The following MARK1 variants were observed in gnomAD, a reference collection of about 807,000 sequenced individuals.
The protein encoded by MARK1 is microtubule affinity regulating kinase 1.
A neutral mutation model predicts 96.3 loss-of-function variants in MARK1; 40 were observed. That is an observed-to-expected ratio of 0.42 (90% CI 0.32 to 0.54). The LOEUF is 0.54. MARK1 is among the 20% of genes least tolerant of loss of function. MARK1 has a pLI of 0.16. For synonymous variants in MARK1, 317 were observed against 341.2 expected (o/e 0.93, Z 0.78); for missense variants, 719 against 984.6 (o/e 0.73, Z 3.61).
At chr1:220,528,980 G>C (rs1300868001) in intron 1 of MARK1, 107 bp downstream of exon 1, 1 of 1,139,540 alleles carries the variant, frequency 8.8e-7, no homozygotes, top group Non-Finnish European at 1.2e-6. Flanking sequence ...GGCCACCCGC[G>C]GCAGGGTCTC....
intron 6 of MARK1, among the ~76,000 whole-genome samples, chr1:220,614,820 C>G (rs1666648747): frequency 6.7e-6 from 1 of 149,506 alleles, no homozygotes; most frequent in African/African-American, 2.6e-5. Flanking sequence ...TTCATGTTTT[C>G]TCTGTCTTCA....
At chr1:220,606,897 C>A (rs1255858056) in intron 6 of MARK1, among the ~76,000 whole-genome samples, 1 of 152,156 alleles carries the variant, frequency 6.6e-6, no homozygotes, top group Admixed American at 6.5e-5. Flanking sequence ...GTTTTGGTAC[C>A]AGTACCATGC....
At chr1:220,627,266 ACT>A (rs1667399852) in intron 9 of MARK1, 11 of 496,914 alleles carry the variant, frequency 2.2e-5, no homozygotes, top group South Asian at 1.4e-4. Flanking sequence ...GAGTTCTCTG[ACT>A]CTGATGAGGT....
At chr1:220,590,128 A>T (rs1015208441) in intron 3 of MARK1, among the ~76,000 whole-genome samples, 1 of 152,218 alleles carries the variant, frequency 6.6e-6, no homozygotes, top group Non-Finnish European at 1.5e-5. Context: ...CTCTGCCATT[A>T]GCTTCGGTCT....
intron 13 of MARK1, among the ~76,000 whole-genome samples, chr1:220,641,453 G>T (rs79867738): frequency 2.6e-5 from 4 of 152,096 alleles, no homozygotes; most frequent in Non-Finnish European, 5.9e-5. Flanking sequence ...GAGTATCTCT[G>T]CACCTTGATC....
At chr1:220,563,302 A>C (rs1182546159) in intron 1 of MARK1, among the ~76,000 whole-genome samples, 2 of 143,480 alleles carry the variant, frequency 1.4e-5, no homozygotes, top group Admixed American at 7.0e-5. Context: ...AAGAAAAGCC[A>C]AAAAAAAATT....
rs1343633943 is a variant in MARK1 at position 220,597,615 on chromosome 1, A to G, written c.310-716A>G. 1.3e-5 allele frequency among the ~76,000 whole-genome samples: 2 copies of G among 152,332 alleles called. 1 individual carries two copies. Among genetic ancestry groups the G allele is most frequent in the Middle Eastern group, 6.8e-3 (2 of 294 alleles). Reference sequence around the variant, plus strand: ...ATATGTCTTAATATACTTTCAGAATATCACCAATTTTTGGTTCTCCTATTT... The same window carrying G: ...ATATGTCTTAATATACTTTCAGAATGTCACCAATTTTTGGTTCTCCTATTT... On this transcript the variant is annotated intron_variant, in intron 3 of 17. Transcript: ENST00000366917.
chr1:220,579,441 A>G lies in MARK1; in HGVS notation c.139A>G (p.Ile47Val), dbSNP rs1446750562. ...RQNIPRCRNS[I>V]TSATDEQPHI... is the part of the protein sequence containing the mutation. ...GAACATCCCCCGGTGTAGAAACTCC[A>G]TTACGTCAGCAACAGATGAACAGCC... The change falls in exon 2 of 18, where the codon ATT becomes GTT. Residue 47 changes from isoleucine to valine, a missense_variant. By Grantham distance (29) the Ile-to-Val change is conservative. Around this residue, in one of 4 missense-constraint regions of MARK1, gnomAD observed 105 missense variants for 133.4 expected, o/e 0.79. Coordinates refer to ENST00000366917, the MANE Select transcript of MARK1 (RefSeq NM_018650.5). 1.2e-6 allele frequency: 2 copies of G among 1,614,114 alleles called. No homozygotes were observed. Among genetic ancestry groups the G allele is most frequent in the East Asian group, 4.5e-5 (2 of 44,864 alleles).
chr1:220,641,834 C>G (rs777051816), intron 13 of MARK1, among the ~76,000 whole-genome samples: 93 of 152,330 alleles, frequency 6.1e-4, no homozygotes, highest in Non-Finnish European at 1.1e-3. Flanking sequence ...AGGGACCTCC[C>G]TCCCCGAGCC....
At chr1:220,533,885 T>C (rs1175976582) in intron 1 of MARK1, among the ~76,000 whole-genome samples, 3 of 152,188 alleles carry the variant, frequency 2.0e-5, no homozygotes, top group African/African-American at 7.2e-5. Flanking sequence ...ACCTGTCATT[T>C]ATTTTTTTCC....
intron 11 of MARK1, among the ~76,000 whole-genome samples, chr1:220,634,826 TA>T (rs1667857342): frequency 1.3e-5 from 2 of 150,056 alleles, no homozygotes; most frequent in Non-Finnish European, 2.9e-5. Context: ...TCAGAAACAG[TA>T]AACCAGATTT....
chr1:220,556,927 G>A (rs978800136), intron 1 of MARK1, among the ~76,000 whole-genome samples: 5 of 152,118 alleles, frequency 3.3e-5, no homozygotes, highest in Non-Finnish European at 7.4e-5. Context: ...ATAAGAAAGT[G>A]CAGCATTCAT....
At chr1:220,622,265 T>C (rs1165510280) in intron 9 of MARK1, among the ~76,000 whole-genome samples, 2 of 152,226 alleles carry the variant, frequency 1.3e-5, no homozygotes, top group African/African-American at 2.4e-5. Flanking sequence ...ATTTTTCCAG[T>C]GTTTAACCAA....
At chr1:220,659,873 C>T (rs1362739773) in intron 17 of MARK1, among the ~76,000 whole-genome samples, 1 of 152,154 alleles carries the variant, frequency 6.6e-6, no homozygotes, top group African/African-American at 2.4e-5. Context: ...TCACTGCAAC[C>T]TCCACCTCCC....
rs142307479 is a variant in MARK1, at chr1:220,576,403, C to CT, written c.52-2950dup. ...GCTTGGGACTCGCATACCATCATGT[C>CT]TAACTCATTTTATTGGCCAAAAAAA... is the stretch of plus-strand genomic sequence containing the variant. On this transcript the variant is annotated intron_variant, in intron 1 of 17. Coordinates refer to ENST00000366917, the MANE Select transcript of MARK1 (RefSeq NM_018650.5). Among the ~76,000 whole-genome samples the CT allele has an allele frequency of 9.0e-3, 1,197 of 133,360 alleles. 17 individuals carry two copies. The highest frequency in any genetic ancestry group is 0.031 in the African/African-American group (1,158 of 36,982). The allele number at this position is 133,360 out of a possible 152,430, so 87.5% of individuals were successfully genotyped here. A position where few individuals can be genotyped will look rare whatever the true frequency, so the allele number is the denominator to read the frequency against.
chr1:220,643,382 T>TTA (rs1668390326), intron 13 of MARK1, among the ~76,000 whole-genome samples: 1 of 151,530 alleles, frequency 6.6e-6, no homozygotes, highest in African/African-American at 2.4e-5. Context: ...GCAGTCAAGA[T>TTA]TAGAGAAAAA....
chr1:220,533,772 C>T (rs1660488989), intron 1 of MARK1, among the ~76,000 whole-genome samples: 1 of 152,098 alleles, frequency 6.6e-6, no homozygotes, highest in African/African-American at 2.4e-5. Flanking sequence ...TGGGAATGTA[C>T]CAACCATTAT....
At chr1:220,617,945 G>A (rs1572182987) in intron 7 of MARK1, among the ~76,000 whole-genome samples, 1 of 152,156 alleles carries the variant, frequency 6.6e-6, no homozygotes, top group South Asian at 2.1e-4. Flanking sequence ...AGTCCCAGAT[G>A]GATTCGTATT....
chr1:220,604,699 A>C (rs747559118), intron 6 of MARK1, among the ~76,000 whole-genome samples: 2 of 151,994 alleles, frequency 1.3e-5, no homozygotes, highest in African/African-American at 2.4e-5. Flanking sequence ...CTTATTACAG[A>C]AATGATAAAA....
Sources: gnomAD v4.1 joint callset for allele counts (sites outside exome capture counted in the v4.1 genomes callset) on GRCh38, gnomAD v4.1.1 for gene constraint, gnomAD v4.1.1 regional missense constraint, MANE v1.5 for transcripts, NCBI Gene and HGNC (gene_info 2026-07-23, HGNC 2026-07-21) for gene names.